HECTD4: variants seen among roughly 807,000 people sequenced by gnomAD.
HECTD4 encodes HECT domain E3 ubiquitin protein ligase 4, also known as probable E3 ubiquitin-protein ligase HECTD4.
In HECTD4, 114 loss-of-function variants were observed where a neutral mutation model predicts 471.5. The observed-to-expected ratio is 0.24, with a 90% CI of 0.21 to 0.28. The LOEUF (loss-of-function observed/expected upper bound fraction) is 0.28, where lower values mean the gene tolerates loss of function less well. HECTD4 is among the 10% of genes least tolerant of loss of function. The pLI, the probability that HECTD4 is intolerant of heterozygous loss-of-function variation, is 1.00. For synonymous variants in HECTD4, 2,012 were observed against 2,256.0 expected (o/e 0.89, Z 3.07); for missense variants, 3,866 against 5,651.5 (o/e 0.68, Z 10.13).
chr12:112,255,923 G>A (rs1194442969), intron 21 of HECTD4, among the ~76,000 whole-genome samples: 3 of 152,110 alleles, frequency 2.0e-5, no homozygotes, highest in Non-Finnish European at 4.4e-5. Context: ...TTTCCCAAAA[G>A]ATACATGAGA....
intron 29 of HECTD4, among the ~76,000 whole-genome samples, chr12:112,245,713 G>A (rs1443692834): frequency 6.6e-6 from 1 of 152,246 alleles, no homozygotes; most frequent in East Asian, 1.9e-4. Flanking sequence ...TTAAGAACTT[G>A]TTTATTTAAC....
chr12:112,205,173 C>T (rs1172270323), intron 52 of HECTD4, among the ~76,000 whole-genome samples: 1 of 150,970 alleles, frequency 6.6e-6, no homozygotes, highest in African/African-American at 2.4e-5. Flanking sequence ...TAGTGGCTCA[C>T]GCCTATAATC....
Position 112,169,715 on chromosome 12 carries a change from C to A in HECTD4, c.12053-57G>T, listed in dbSNP as rs2031136366. On this transcript the variant is annotated intron_variant, in intron 69 of 75. Coordinates refer to ENST00000682272, the MANE Select transcript of HECTD4 (RefSeq NM_001388303.1). ...CCGCCGTGGCCGCCCTCTCCCCTCC[C>A]CTTGAGGACAGACCCTGGGCCTAGC... The A allele has an allele frequency of 1.9e-6, 3 of 1,598,988 alleles. No homozygotes were observed. The African/African-American group carries it at 4.0e-5, about 21-fold the overall frequency.
chr12:112,265,744 G>A, intron 15 of HECTD4, 134 bp downstream of exon 15: 1 of 646,204 alleles, frequency 1.5e-6, no homozygotes, highest in Non-Finnish European at 2.7e-6. Context: ...CTTTCAACTG[G>A]TCCATGCTTT....
intron 1 of HECTD4, among the ~76,000 whole-genome samples, chr12:112,353,242 C>T (rs986160130): frequency 6.6e-5 from 10 of 152,158 alleles, no homozygotes; most frequent in Non-Finnish European, 1.2e-4. Flanking sequence ...CACATGGCTT[C>T]ATTACAATCA....
At chr12:112,209,717 T>G (rs2032706315) in intron 50 of HECTD4, among the ~76,000 whole-genome samples, 1 of 152,198 alleles carries the variant, frequency 6.6e-6, no homozygotes, top group Non-Finnish European at 1.5e-5. Context: ...TTTTTGAAAA[T>G]GAGTAACACT....
At chr12:112,242,992 A>G (rs1421990034) in intron 32 of HECTD4, among the ~76,000 whole-genome samples, 2 of 152,226 alleles carry the variant, frequency 1.3e-5, no homozygotes, top group Non-Finnish European at 2.9e-5. Context: ...AGACATACTG[A>G]GCAAAACAAC....
chr12:112,237,582 T>C (rs1327962200), intron 34 of HECTD4, among the ~76,000 whole-genome samples: 1 of 152,190 alleles, frequency 6.6e-6, no homozygotes, highest in Non-Finnish European at 1.5e-5. Flanking sequence ...TGCTCGAAAG[T>C]ATTCTCCTTC....
chr12:112,244,618 A>C (rs1486403456), intron 29 of HECTD4, among the ~76,000 whole-genome samples: 1 of 152,178 alleles, frequency 6.6e-6, no homozygotes, highest in Non-Finnish European at 1.5e-5. Context: ...TGATCTGCCC[A>C]CCTTGGCCTC....
chr12:112,217,096 T>C lies in HECTD4; in HGVS notation c.7174A>G (p.Ser2392Gly). 6.3e-7 allele frequency: 1 copy of C among 1,589,062 alleles called. No homozygotes were observed. ...CCCCGGGGCAGGCCTCCCCCAGCGC[T>C]GGGGTCAGCCAGGAAGGTGACTGAG... ...LTSVTFLADPSAGGGLPRGTF... is the reference protein window; with the variant it reads ...LTSVTFLADPGAGGGLPRGTF... Residue 2392 changes from serine (S) to glycine (G), a missense_variant, in exon 46 of 76, where the codon AGC (serine) becomes GGC (glycine). This residue lies in a region of HECTD4 where 617 missense variants were observed against 915.1 expected (regional missense o/e 0.67). Transcript: ENST00000682272.
chr12:112,213,048 G>C lies in HECTD4; in HGVS notation c.7466-398C>G, dbSNP rs146335407. Among the ~76,000 whole-genome samples the C allele has an allele frequency of 6.6e-6, 1 of 152,038 alleles. No homozygotes were observed. The highest frequency in any genetic ancestry group is 2.4e-5 in the African/African-American group (1 of 41,402). On this transcript the variant is annotated intron_variant, in intron 48 of 75. Transcript: ENST00000682272. This position sits in a 1 kb window ranked among gnomAD's most constrained non-coding sequence, Gnocchi z 4.0. ...TGACCTCAGGCAATCCACCTGCCTC[G>C]GCCTCTCAAAGTGCTGGAATTACAG...
chr12:112,216,278 C>A lies in HECTD4; in HGVS notation c.7465+14G>T, dbSNP rs753741221. The A allele has an allele frequency of 4.6e-6, 7 of 1,529,090 alleles. No individual in the cohort carries two copies. The highest frequency in any genetic ancestry group is 5.3e-6 in the Non-Finnish European group (6 of 1,126,148). The allele number at this position is 1,529,090 out of a possible 1,614,324, so 94.7% of individuals were successfully genotyped here. A position where few individuals can be genotyped will look rare whatever the true frequency, so the allele number is the denominator to read the frequency against. ...CAGAATCACACAGGGTGGAAAAGCTCCCACTGCACTCACCGGGGGAGAGAG... is the reference window on the plus strand; with the variant it reads ...CAGAATCACACAGGGTGGAAAAGCTACCACTGCACTCACCGGGGGAGAGAG... On this transcript the variant is annotated intron_variant, in intron 48 of 75. Coordinates refer to ENST00000682272, the MANE Select transcript of HECTD4 (RefSeq NM_001388303.1).
chr12:112,333,395 T>A (rs2035881132), intron 1 of HECTD4, among the ~76,000 whole-genome samples: 1 of 152,246 alleles, frequency 6.6e-6, no homozygotes, highest in African/African-American at 2.4e-5. Context: ...GTCATCCTAG[T>A]GGGTGTGAAG....
chr12:112,361,846 CA>C (rs1175333891), intron 1 of HECTD4, among the ~76,000 whole-genome samples: 1 of 152,100 alleles, frequency 6.6e-6, no homozygotes, highest in African/African-American at 2.4e-5. Context: ...CCAAAAACAA[CA>C]AAAAACTCTA....
chr12:112,205,614 CAG>C (rs751854619), intron 52 of HECTD4, among the ~76,000 whole-genome samples: 3 of 150,822 alleles, frequency 2.0e-5, no homozygotes, highest in South Asian at 2.1e-4. Context: ...TTTTTTGAGA[CAG>C]AGTCTTGCTC....
chr12:112,208,893 C>CTTTTTT (rs756330403), intron 50 of HECTD4, among the ~76,000 whole-genome samples: 10 of 72,458 alleles, frequency 1.4e-4, no homozygotes, highest in East Asian at 5.4e-4. Context: ...ACTAAACAGG[C>CTTTTTT]TTTTTTTTTT....
intron 1 of HECTD4, among the ~76,000 whole-genome samples, chr12:112,327,718 TCAAA>T (rs1197148083): frequency 6.6e-6 from 1 of 152,200 alleles, no homozygotes; most frequent in African/African-American, 2.4e-5. Flanking sequence ...TAACTGGTAG[TCAAA>T]CAAATGGTGA....
chr12:112,317,915 C>T (rs1003754836), intron 2 of HECTD4, among the ~76,000 whole-genome samples: 3 of 130,182 alleles, frequency 2.3e-5, no homozygotes, highest in Non-Finnish European at 4.7e-5. Context: ...GAGATCATGT[C>T]ACTGCACTTC....
intron 1 of HECTD4, among the ~76,000 whole-genome samples, chr12:112,339,878 G>A (rs1347784610): frequency 6.6e-6 from 1 of 151,810 alleles, no homozygotes; most frequent in African/African-American, 2.4e-5. Flanking sequence ...GTGAAACCCC[G>A]CCTCTACAAA....
Sources: gnomAD v4.1 joint callset for allele counts (sites outside exome capture counted in the v4.1 genomes callset) on GRCh38, gnomAD v4.1.1 for gene constraint, gnomAD v4.1.1 regional missense constraint, Gnocchi (gnomAD v3.1) non-coding constraint, MANE v1.5 for transcripts, NCBI Gene and HGNC (gene_info 2026-07-23, HGNC 2026-07-21) for gene names.